APPL2: variants seen among roughly 807,000 people sequenced by gnomAD.
APPL2 encodes the protein adaptor protein, phosphotyrosine interacting with PH domain and leucine zipper 2.
APPL2 carries 84 observed loss-of-function variants against 92.7 expected under a neutral mutation model. That is an observed-to-expected ratio of 0.91 (90% CI 0.76 to 1.09). APPL2 has a LOEUF of 1.09. Ranked by LOEUF, APPL2 falls within the 50% of genes least tolerant of loss-of-function variation. APPL2 has a pLI of 0.00. For missense variants in APPL2, 736 were observed against 824.5 expected (o/e 0.89, Z 1.31); for synonymous variants, 291 against 291.0 (o/e 1.00, Z 0.00).
intron 19 of APPL2, 126 bp from the exon 20 acceptor site, chr12:105,176,208 G>T: frequency 1.2e-6 from 1 of 804,846 alleles, no homozygotes; most frequent in Non-Finnish European, 2.0e-6. Context: ...ACAGGACCTG[G>T]CTGCAGGAGA....
intron 8 of APPL2, among the ~76,000 whole-genome samples, chr12:105,205,102 T>C (rs1333375296): frequency 6.6e-6 from 1 of 152,128 alleles, no homozygotes; most frequent in Non-Finnish European, 1.5e-5. Context: ...GCTATGTTCA[T>C]GGAAAAATCA....
intron 9 of APPL2, among the ~76,000 whole-genome samples, chr12:105,200,644 CATCT>C (rs774942097): frequency 3.5e-4 from 53 of 152,338 alleles, no homozygotes; most frequent in African/African-American, 1.2e-3. Flanking sequence ...GGGGCCCATC[CATCT>C]GAGAAATCAC....
At chr12:105,199,583 T>A (rs1887969000) in intron 9 of APPL2, 52 bp from the exon 10 acceptor site, 1 of 1,560,568 alleles carries the variant, frequency 6.4e-7, no homozygotes, top group Non-Finnish European at 8.7e-7. Flanking sequence ...AACCCAGCAC[T>A]ACTAAGAAGC....
At chr12:105,225,576 C>T (rs753569063) in intron 2 of APPL2, among the ~76,000 whole-genome samples, 1 of 152,096 alleles carries the variant, frequency 6.6e-6, no homozygotes, top group Admixed American at 6.5e-5. Context: ...ACTTATTTAG[C>T]CAATAGTTTG....
intron 17 of APPL2, 70 bp downstream of exon 17, chr12:105,188,203 T>G (rs1886896315): frequency 2.6e-6 from 4 of 1,519,844 alleles, no homozygotes; most frequent in Non-Finnish European, 3.6e-6. Context: ...ACATTTCAGA[T>G]GGGTGCATTA....
Position 105,197,761 on chromosome 12 carries a change from A to C in APPL2, c.1052+4T>G, listed in dbSNP as rs754583701. The C allele has an allele frequency of 6.2e-7, 1 of 1,614,200 alleles. No individual in the cohort carries two copies. The highest frequency in any genetic ancestry group is 1.3e-5 in the African/African-American group (1 of 75,052). Reference sequence around the variant, plus strand: ...TCCTCCCAAATAAAACGCGTGAAACATACGATTTTCCATTGGGCGTGGTGA... The same window carrying C: ...TCCTCCCAAATAAAACGCGTGAAACCTACGATTTTCCATTGGGCGTGGTGA... On this transcript the variant is annotated splice_donor_region_variant and intron_variant, in intron 11 of 20. Coordinates refer to ENST00000258530, the MANE Select transcript of APPL2 (RefSeq NM_018171.5).
intron 17 of APPL2, among the ~76,000 whole-genome samples, 168 bp downstream of exon 17, chr12:105,188,105 G>T (rs755185513): frequency 3.3e-5 from 5 of 152,158 alleles, no homozygotes; most frequent in Admixed American, 3.3e-4. Flanking sequence ...ACCAGTTCTT[G>T]TCTCTAAGGG....
At chr12:105,189,007 AAAG>A (rs1452397010) in intron 16 of APPL2, among the ~76,000 whole-genome samples, 5 of 152,124 alleles carry the variant, frequency 3.3e-5, no homozygotes, top group Admixed American at 6.6e-5. Flanking sequence ...CTAGAAGACC[AAAG>A]AAGGTTTTTT....
intron 2 of APPL2, among the ~76,000 whole-genome samples, chr12:105,226,513 A>G (rs1184762124): frequency 6.6e-6 from 1 of 152,268 alleles, no homozygotes. Context: ...CTCAACAGAA[A>G]AAAATGCATG....
intron 1 of APPL2, among the ~76,000 whole-genome samples, chr12:105,233,678 T>C (rs894465583): frequency 1.3e-5 from 2 of 152,256 alleles, no homozygotes; most frequent in Non-Finnish European, 1.5e-5. Flanking sequence ...CGGTGCTAGA[T>C]AGCTGGGCTA....
chr12:105,209,897 A>G (rs574965448), intron 5 of APPL2, among the ~76,000 whole-genome samples: 1 of 152,004 alleles, frequency 6.6e-6, no homozygotes, highest in South Asian at 2.1e-4. Flanking sequence ...TGCCAGTTCT[A>G]TCCTTGTTCC....
Position 105,203,805 on chromosome 12 carries a change from T to G in APPL2, c.622-20A>C. The G allele has an allele frequency of 6.3e-7, 1 of 1,595,338 alleles. No individual in the cohort carries two copies. Among genetic ancestry groups the G allele is most frequent in the Non-Finnish European group, 8.6e-7 (1 of 1,163,034 alleles). ...GTTAATCTGAAAGATATAATTATAATATTCTGAAAATCATCCAGGGAAGTG... is the reference window on the plus strand; with the variant it reads ...GTTAATCTGAAAGATATAATTATAAGATTCTGAAAATCATCCAGGGAAGTG... On this transcript the variant is annotated intron_variant, in intron 8 of 20. Transcript: ENST00000258530.
intron 17 of APPL2, among the ~76,000 whole-genome samples, chr12:105,177,654 C>G (rs927067025): frequency 1.3e-5 from 2 of 152,022 alleles, no homozygotes; most frequent in Non-Finnish European, 1.5e-5. Context: ...TCAACTTAGT[C>G]TAAATTTAAC....
intron 8 of APPL2, 107 bp downstream of exon 8, chr12:105,206,954 G>A (rs1888752672): frequency 7.2e-7 from 1 of 1,381,738 alleles, no homozygotes; most frequent in East Asian, 2.4e-5. Flanking sequence ...GGGAGATTGT[G>A]CATTTATGTT....
intron 9 of APPL2, among the ~76,000 whole-genome samples, chr12:105,201,366 T>TG (rs1888186973): frequency 6.6e-6 from 1 of 152,036 alleles, no homozygotes; most frequent in Non-Finnish European, 1.5e-5. Flanking sequence ...GAATGGAACG[T>TG]GGAAGACCAA....
intron 4 of APPL2, among the ~76,000 whole-genome samples, chr12:105,215,682 C>T (rs561436279): frequency 1.4e-4 from 22 of 152,276 alleles, no homozygotes; most frequent in Non-Finnish European, 2.8e-4. Context: ...AGTTAAATGG[C>T]ATCTGCACAC....
intron 2 of APPL2, among the ~76,000 whole-genome samples, chr12:105,222,180 CG>C (rs569052042): frequency 1.2e-3 from 186 of 152,170 alleles, no homozygotes; most frequent in African/African-American, 4.3e-3. Flanking sequence ...AGGCAGGCCA[CG>C]GGGGGATGCC....
intron 17 of APPL2, among the ~76,000 whole-genome samples, chr12:105,186,622 T>TATGATACTG (rs375988140): frequency 8.0e-6 from 1 of 125,678 alleles, no homozygotes; most frequent in Admixed American, 7.9e-5. Context: ...ATATCATATA[T>TATGATACTG]ATATCATATA....
At chr12:105,221,355 G>C (rs894877946) in intron 2 of APPL2, among the ~76,000 whole-genome samples, 1 of 152,222 alleles carries the variant, frequency 6.6e-6, no homozygotes, top group Non-Finnish European at 1.5e-5. Flanking sequence ...GTGCACCCAT[G>C]AAGTAGATAC....
Sources: allele counts gnomAD v4.1 joint callset (sites outside exome capture counted in the v4.1 genomes callset), GRCh38; gene constraint gnomAD v4.1.1; transcripts MANE v1.5; gene names NCBI Gene and HGNC (gene_info 2026-07-23, HGNC 2026-07-21).